Variants in FANCC observed in about 807,000 individuals in gnomAD.
The protein encoded by FANCC is Fanconi anemia group C protein.
In FANCC, 55 loss-of-function variants were observed where a neutral mutation model predicts 71.3. The observed-to-expected ratio is 0.77, with a 90% confidence interval of 0.62 to 0.97. The LOEUF is 0.97. FANCC is among the 50% of genes least tolerant of loss of function. FANCC has a pLI of 0.00. For missense variants in FANCC, 678 were observed against 670.9 expected, an observed-to-expected ratio of 1.01 and a Z score of -0.12; for synonymous variants, 275 against 244.9, an observed-to-expected ratio of 1.12 and a Z score of -1.15.
Position 95,107,339 on chromosome 9 carries a change from A to AT in FANCC, c.1330-71dup, listed in dbSNP as rs1272372211. Reference sequence around the variant, plus strand: ...ACAGACATACTTCTAGGATTTATTTATTTGCTTTGAAACAACCCCCAGAAA... The same window carrying AT: ...ACAGACATACTTCTAGGATTTATTTATTTTGCTTTGAAACAACCCCCAGAAA... On this transcript the variant is annotated intron_variant, in intron 13 of 14. Transcript: ENST00000289081. 4 of 1,522,322 alleles carry AT rather than the reference A, an allele frequency of 2.6e-6. No homozygotes were observed. The Admixed American group carries it at 7.6e-5, about 29-fold the overall frequency. The allele number at this position is 1,522,322 out of a possible 1,614,324, so 94.3% of individuals were successfully genotyped here.
At chr9:95,263,766 A>C (rs560745012) in intron 1 of FANCC, among the ~76,000 whole-genome samples, 65 of 152,276 alleles carry the variant, frequency 4.3e-4, no homozygotes, top group Non-Finnish European at 8.7e-4. Context: ...TGAACCTCCT[A>C]AAAGGGTCTC....
chr9:95,107,346 T>C (rs2071528413), intron 13 of FANCC, 77 bp from the exon 14 acceptor site: 2 of 1,490,838 alleles, frequency 1.3e-6, no homozygotes, highest in Middle Eastern at 2.3e-4. Context: ...TTTATTTGCT[T>C]TGAAACAACC....
chr9:95,267,304 G>C (rs1298997537), intron 1 of FANCC, among the ~76,000 whole-genome samples: 2 of 152,130 alleles, frequency 1.3e-5, no homozygotes, highest in Non-Finnish European at 2.9e-5. Context: ...TGGCGGTCTA[G>C]GGAGGATGGA....
At chr9:95,254,715 C>T (rs549125106) in intron 1 of FANCC, among the ~76,000 whole-genome samples, 2 of 152,302 alleles carry the variant, frequency 1.3e-5, no homozygotes, top group South Asian at 4.1e-4. Context: ...ACCTGGAACA[C>T]CAGCGAGACA....
At chr9:95,306,929 A>G (rs1386241616) in intron 1 of FANCC, among the ~76,000 whole-genome samples, 1 of 152,118 alleles carries the variant, frequency 6.6e-6, no homozygotes, top group African/African-American at 2.4e-5. Context: ...GCTGGAGTGC[A>G]GTGGTATGAT....
intron 13 of FANCC, 130 bp from the exon 14 acceptor site, chr9:95,107,399 G>A (rs2071534567): frequency 2.0e-6 from 2 of 989,946 alleles, no homozygotes; most frequent in Non-Finnish European, 3.1e-6. Context: ...AGGGAGCTAG[G>A]CAGCGGCCGA....
chr9:95,103,624 G>A (rs1057302740), intron 14 of FANCC, among the ~76,000 whole-genome samples: 2 of 152,238 alleles, frequency 1.3e-5, no homozygotes, highest in African/African-American at 4.8e-5. Flanking sequence ...GAGAGGCCAG[G>A]AGCCAGAGAG....
At chr9:95,215,388 T>A (rs935046525) in intron 4 of FANCC, among the ~76,000 whole-genome samples, 2 of 150,802 alleles carry the variant, frequency 1.3e-5, no homozygotes, top group African/African-American at 4.9e-5. Flanking sequence ...GAGAGGGAGA[T>A]AGGGAGAGAG....
At position 95,136,299 on chromosome 9, in the gene FANCC, T is replaced by C. The variant is rs138882472; in HGVS notation, c.687-797A>G. Among the ~76,000 whole-genome samples, 571 of 152,158 alleles carry C rather than the reference T, an allele frequency of 3.8e-3. 2 individuals are homozygous for C. The highest frequency in any genetic ancestry group is 0.013 in the African/African-American group (557 of 41,518). ...CTGTAATCCCAGCTACTTGGGAGGC[T>C]GAGGCAGGAGGATCGCTAGAGCCCA... On this transcript the variant is annotated intron_variant, in intron 7 of 14. Coordinates refer to ENST00000289081, the MANE Select transcript of FANCC (RefSeq NM_000136.3).
chr9:95,295,580 A>G (rs996483032), intron 1 of FANCC, among the ~76,000 whole-genome samples: 1 of 152,082 alleles, frequency 6.6e-6, no homozygotes, highest in African/African-American at 2.4e-5. Flanking sequence ...AGACCAGCCT[A>G]GGCAACAGAG....
At chr9:95,175,882 C>A (rs923134424) in intron 4 of FANCC, among the ~76,000 whole-genome samples, 3 of 152,164 alleles carry the variant, frequency 2.0e-5, no homozygotes, top group Admixed American at 6.5e-5. Context: ...CAGACCCAGG[C>A]AGAGAAGGGA....
rs1038240804 is a variant in FANCC, at chr9:95,204,381, G to A, written c.346-32234C>T. On this transcript the variant is annotated intron_variant, in intron 4 of 14. Transcript: ENST00000289081. ...AATTAGGCATTGGTAACTGGGAGAT[G>A]TTCTGAGAGCATGCCTGTGAATAGA... 3.9e-5 allele frequency among the ~76,000 whole-genome samples: 6 copies of A among 152,348 alleles called. No individual in the cohort carries two copies. The South Asian group carries it at 1.2e-3, about 32-fold the overall frequency.
At chr9:95,144,319 C>A (rs1231660202) in intron 7 of FANCC, among the ~76,000 whole-genome samples, 2 of 152,210 alleles carry the variant, frequency 1.3e-5, no homozygotes, top group African/African-American at 4.8e-5. Flanking sequence ...GACCACCCAG[C>A]ACTTCTGGAC....
chr9:95,249,189 A>G lies in FANCC; in HGVS notation c.103T>C (p.Cys35Arg), dbSNP rs1588353540. The change falls in exon 2 of 15, where the codon TGT becomes CGT. Residue 35 changes from cysteine (C) to arginine (R), a missense_variant. Transcript: ENST00000289081. ...TCCTGGAACTGAGCCACGTGAAGAC[A>G]GGTGTCTTGCTGGGTTTCCAAAGTG... ...ASTLETQQDT[C>R]LHVAQFQEFL... The G allele has an allele frequency of 6.2e-7, 1 of 1,614,034 alleles. No homozygotes were observed. Among genetic ancestry groups the G allele is most frequent in the African/African-American group, 1.3e-5 (1 of 74,938 alleles).
At chr9:95,294,611 T>C (rs1471230846) in intron 1 of FANCC, 1 of 1,564,618 alleles carries the variant, frequency 6.4e-7, no homozygotes, top group African/African-American at 1.4e-5. Context: ...GAAAGCAAAG[T>C]TCAGTTGAAC....
rs765396609 is a variant in FANCC, at chr9:95,107,162, G to A, written c.1437C>T (p.Leu479=). 2 of 1,614,204 alleles carry A rather than the reference G, an allele frequency of 1.2e-6. No homozygotes were observed. The highest frequency in any genetic ancestry group is 3.3e-5 in the Admixed American group (2 of 60,030). ...TGATCAGCTGTTGTGCAGGAGCTCT[G>A]AGGTCTGTGTCTGTGCCCTGTCCTG... ...TVAGQGTDTD[L]RAPAQQLIRH... The change falls in exon 14 of 15, where the codon CTC becomes CTT. Residue 479 remains leucine, a synonymous_variant. Transcript: ENST00000289081.
At chr9:95,139,270 C>T (rs1588145865) in intron 7 of FANCC, among the ~76,000 whole-genome samples, 1 of 152,116 alleles carries the variant, frequency 6.6e-6, no homozygotes, top group South Asian at 2.1e-4. Context: ...TCCGTGTAGG[C>T]GCTGAGGAGA....
At chr9:95,151,837 A>AG (rs1830188772) in intron 6 of FANCC, among the ~76,000 whole-genome samples, 1 of 150,894 alleles carries the variant, frequency 6.6e-6, no homozygotes, top group African/African-American at 2.4e-5. Flanking sequence ...CGGAGGTGGG[A>AG]GGGTTGCTTG....
intron 3 of FANCC, among the ~76,000 whole-genome samples, chr9:95,247,212 CGTGTGTGT>C (rs3030679): frequency 1.3e-5 from 2 of 149,538 alleles, no homozygotes; most frequent in African/African-American, 2.5e-5. Context: ...TGCGTGCACG[CGTGTGTGT>C]GTGTGTGTGT....
Sources: gnomAD v4.1 joint callset for allele counts (sites outside exome capture counted in the v4.1 genomes callset) on GRCh38, gnomAD v4.1.1 for gene constraint, MANE v1.5 for transcripts, NCBI Gene and HGNC (gene_info 2026-07-23, HGNC 2026-07-21) for gene names.